ZRANB3: variants seen among roughly 807,000 people sequenced by gnomAD.
ZRANB3 encodes zinc finger RANBP2-type containing 3.
ZRANB3 carries 125 observed loss-of-function variants against 133.8 expected under a neutral mutation model. The ratio of observed to expected loss-of-function variants is 0.93; its 90% confidence interval spans 0.81 to 1.08. The LOEUF (loss-of-function observed/expected upper bound fraction) is 1.08, where lower values mean the gene tolerates loss of function less well. Among genes scored for constraint, ZRANB3 ranks in the 50% least tolerant of loss-of-function variants. The pLI is 0.00. For synonymous variants in ZRANB3, 387 were observed against 432.7 expected (o/e 0.89, Z 1.31); for missense variants, 1,229 against 1,275.5 (o/e 0.96, Z 0.56).
At chr2:135,244,472 G>T (rs1051802060) in intron 12 of ZRANB3, among the ~76,000 whole-genome samples, 3 of 152,130 alleles carry the variant, frequency 2.0e-5, no homozygotes, top group African/African-American at 7.2e-5. Context: ...GTCGTGCGTG[G>T]TGGTGGGTGC....
At chr2:135,244,608 A>AAACT in intron 12 of ZRANB3, among the ~76,000 whole-genome samples, 1 of 150,986 alleles carries the variant, frequency 6.6e-6, no homozygotes, top group African/African-American at 2.5e-5. Flanking sequence ...CTCCATCTCA[A>AAACT]AAATAAATAA....
At chr2:135,440,249 A>T (rs1689720557) in intron 2 of ZRANB3, among the ~76,000 whole-genome samples, 1 of 152,186 alleles carries the variant, frequency 6.6e-6, no homozygotes, top group Non-Finnish European at 1.5e-5. Flanking sequence ...GAGATAAGAA[A>T]TAAATATGTC....
chr2:135,327,263 A>G (rs1381374283), intron 6 of ZRANB3, among the ~76,000 whole-genome samples: 2 of 152,230 alleles, frequency 1.3e-5, no homozygotes, highest in African/African-American at 4.8e-5. Flanking sequence ...GCTTTCTGCC[A>G]TGCCTAAAGA....
At chr2:135,431,947 CT>C (rs1689343055) in intron 2 of ZRANB3, among the ~76,000 whole-genome samples, 1 of 151,996 alleles carries the variant, frequency 6.6e-6, no homozygotes, top group Non-Finnish European at 1.5e-5. Flanking sequence ...GAGGTAAAGG[CT>C]TAAAAATTGT....
intron 14 of ZRANB3, among the ~76,000 whole-genome samples, chr2:135,226,825 GAC>G (rs1231234318): frequency 7.6e-6 from 1 of 130,908 alleles, no homozygotes; most frequent in Non-Finnish European, 1.7e-5. Context: ...GAAAACTAGA[GAC>G]ACAAAAGAGT....
At chr2:135,443,482 T>C (rs544301986) in intron 2 of ZRANB3, among the ~76,000 whole-genome samples, 1 of 151,946 alleles carries the variant, frequency 6.6e-6, no homozygotes. Flanking sequence ...TATATACCTA[T>C]GTAACAAACC....
intron 6 of ZRANB3, among the ~76,000 whole-genome samples, chr2:135,317,717 T>A (rs2104829876): frequency 6.6e-6 from 1 of 152,286 alleles, no homozygotes; most frequent in Admixed American, 6.5e-5. Context: ...TCCTCACTGC[T>A]CCAGGGGAGG....
intron 8 of ZRANB3, among the ~76,000 whole-genome samples, chr2:135,302,051 G>A (rs752395098): frequency 3.2e-4 from 49 of 152,252 alleles, no homozygotes; most frequent in Admixed American, 1.9e-3. Flanking sequence ...TTACAAACTG[G>A]TTTGGGAGAA....
At chr2:135,308,541 C>T (rs542520247) in intron 8 of ZRANB3, among the ~76,000 whole-genome samples, 4 of 152,262 alleles carry the variant, frequency 2.6e-5, no homozygotes, top group Admixed American at 1.3e-4. Context: ...GTCAGGACCA[C>T]TTTTATTGTG....
At position 135,200,296 on chromosome 2, in the gene ZRANB3, C is replaced by T; in HGVS notation, c.*46G>A. ...ACATGGAAAACTTCTGTATTAAAGT[C>T]TTCCACATGTAAACCATTTGTCATT... On this transcript the variant is annotated 3_prime_UTR_variant, in exon 21 of 21. Coordinates refer to ENST00000264159, the MANE Select transcript of ZRANB3 (RefSeq NM_032143.4). The T allele has an allele frequency of 6.8e-7, 1 of 1,463,514 alleles. No homozygotes were observed. Among genetic ancestry groups the T allele is most frequent in the Non-Finnish European group, 9.4e-7 (1 of 1,068,960 alleles). The allele number at this position is 1,463,514 out of a possible 1,614,324, so 90.7% of individuals were successfully genotyped here. A position where few individuals can be genotyped will look rare whatever the true frequency, so the allele number is the denominator to read the frequency against.
Position 135,333,087 on chromosome 2 carries a change from T to A in ZRANB3, c.677+12463A>T, listed in dbSNP as rs547705882. ...TCCATTACAAATCTGCAGTTGCTGA[T>A]CTCAAATGATTACTAGAGCTGTTAA... On this transcript the variant is annotated intron_variant, in intron 6 of 20. Coordinates refer to ENST00000264159, the MANE Select transcript of ZRANB3 (RefSeq NM_032143.4). 2.6e-4 allele frequency among the ~76,000 whole-genome samples: 40 copies of A among 152,284 alleles called. No homozygotes were observed. The East Asian group carries it at 5.6e-3, about 21-fold the overall frequency.
chr2:135,310,098 A>G (rs983167788), intron 8 of ZRANB3, among the ~76,000 whole-genome samples: 1 of 152,020 alleles, frequency 6.6e-6, no homozygotes, highest in Non-Finnish European at 1.5e-5. Context: ...CACCACGCCC[A>G]GCTAATTTTT....
intron 8 of ZRANB3, among the ~76,000 whole-genome samples, chr2:135,283,142 G>C (rs558255148): frequency 6.6e-6 from 1 of 151,808 alleles, no homozygotes. Context: ...AAAATTAGCC[G>C]GGTGTGGTGG....
chr2:135,343,317 A>G (rs980338186), intron 6 of ZRANB3, among the ~76,000 whole-genome samples: 1 of 149,752 alleles, frequency 6.7e-6, no homozygotes, highest in Non-Finnish European at 1.5e-5. Context: ...CTTTCTTAAT[A>G]TTCAACTTTC....
intron 2 of ZRANB3, among the ~76,000 whole-genome samples, chr2:135,423,430 AAAAAAATAAAAAAT>A (rs747467278): frequency 2.4e-4 from 36 of 152,296 alleles, no homozygotes; most frequent in African/African-American, 6.0e-4. Context: ...ACCCTGTCTC[AAAAAAATAAAAAAT>A]AAAAAATAAA....
intron 2 of ZRANB3, among the ~76,000 whole-genome samples, chr2:135,462,791 C>T (rs1349967417): frequency 6.6e-6 from 1 of 152,116 alleles, no homozygotes; most frequent in Non-Finnish European, 1.5e-5. Flanking sequence ...CAGGGTTTCG[C>T]CATGTTGGCC....
chr2:135,527,897 G>A (rs1216423687), intron 1 of ZRANB3, among the ~76,000 whole-genome samples: 8 of 152,128 alleles, frequency 5.3e-5, no homozygotes, highest in South Asian at 2.1e-4. Flanking sequence ...ACATTTTCCC[G>A]TGTGGACTAA....
intron 2 of ZRANB3, among the ~76,000 whole-genome samples, chr2:135,481,116 T>A (rs1691780981): frequency 1.3e-5 from 2 of 151,916 alleles, no homozygotes; most frequent in African/African-American, 2.4e-5. Flanking sequence ...TTATAGTCCT[T>A]TGGGTATATA....
intron 8 of ZRANB3, among the ~76,000 whole-genome samples, chr2:135,303,848 C>T (rs905137946): frequency 7.2e-5 from 11 of 152,200 alleles, no homozygotes; most frequent in Admixed American, 2.0e-4. Flanking sequence ...GTTTTCAGTA[C>T]ATATTTTTTG....
Sources: allele counts gnomAD v4.1 joint callset (sites outside exome capture counted in the v4.1 genomes callset), GRCh38; gene constraint gnomAD v4.1.1; transcripts MANE v1.5; gene names NCBI Gene and HGNC (gene_info 2026-07-23, HGNC 2026-07-21).